SUGCT: variants seen among roughly 807,000 people sequenced by gnomAD.
The protein encoded by SUGCT is succinyl-CoA:glutarate CoA-transferase.
A neutral mutation model predicts 55.0 loss-of-function variants in SUGCT; 41 were observed. The ratio of observed to expected loss-of-function variants is 0.74; its 90% CI spans 0.58 to 0.97. The LOEUF (loss-of-function observed/expected upper bound fraction) is 0.97. Among genes scored for constraint, SUGCT ranks in the 50% least tolerant of loss-of-function variants. SUGCT has a pLI of 0.00. For missense variants in SUGCT, 568 were observed against 547.8 expected, an observed-to-expected ratio of 1.04 and a Z score of -0.37; for synonymous variants, 187 against 200.4, an observed-to-expected ratio of 0.93 and a Z score of 0.56.
chr7:40,214,174 C>A (rs1407820439), intron 6 of SUGCT, among the ~76,000 whole-genome samples: 2 of 152,126 alleles, frequency 1.3e-5, no homozygotes, highest in Non-Finnish European at 2.9e-5. Context: ...TGAGGAGGTT[C>A]TTACTGATAG....
chr7:40,629,313 T>A (rs144082477), intron 12 of SUGCT, among the ~76,000 whole-genome samples: 33 of 152,302 alleles, frequency 2.2e-4, no homozygotes, highest in African/African-American at 7.9e-4. Flanking sequence ...TGACAGAATC[T>A]GTCACACAGA....
chr7:40,828,072 C>A, intron 13 of SUGCT, among the ~76,000 whole-genome samples: 1 of 152,152 alleles, frequency 6.6e-6, no homozygotes, highest in East Asian at 1.9e-4. Context: ...AGCTTAAATC[C>A]AAACATTGCC....
the SUGCT span, among the ~76,000 whole-genome samples, chr7:41,022,496 T>C: frequency 6.6e-6 from 1 of 152,196 alleles, no homozygotes; most frequent in Non-Finnish European, 1.5e-5. Context: ...GAATGAGGAA[T>C]AGAATGCAAA....
chr7:40,666,390 G>GGAAGGAAA (rs1554398428), intron 12 of SUGCT, among the ~76,000 whole-genome samples: 3 of 138,518 alleles, frequency 2.2e-5, no homozygotes, highest in Non-Finnish European at 3.1e-5. Context: ...AAGGAAGGAA[G>GGAAGGAAA]GAAAGAAAGA....
intron 9 of SUGCT, among the ~76,000 whole-genome samples, chr7:40,390,539 C>T (rs1562740401): frequency 6.6e-6 from 1 of 152,112 alleles, no homozygotes; most frequent in Admixed American, 6.5e-5. Flanking sequence ...TTCACAGTTG[C>T]TTCAAAGAGA....
intron 8 of SUGCT, among the ~76,000 whole-genome samples, chr7:40,315,664 G>T (rs1051469961): frequency 6.6e-6 from 1 of 152,198 alleles, no homozygotes; most frequent in Non-Finnish European, 1.5e-5. Flanking sequence ...GCAAGAAAAG[G>T]CCTGAAAAAT....
At chr7:40,241,584 A>C (rs1410974542) in intron 7 of SUGCT, among the ~76,000 whole-genome samples, 1 of 151,782 alleles carries the variant, frequency 6.6e-6, no homozygotes, top group Non-Finnish European at 1.5e-5. Context: ...GTCTCAAAAA[A>C]AAAAAAAAAA....
intron 9 of SUGCT, among the ~76,000 whole-genome samples, chr7:40,444,097 C>T (rs1340468581): frequency 6.6e-6 from 1 of 150,762 alleles, no homozygotes; most frequent in African/African-American, 2.5e-5. Flanking sequence ...TGTTTTGGTA[C>T]CAGTACCATG....
chr7:40,830,910 G>A (rs943364220), intron 13 of SUGCT, among the ~76,000 whole-genome samples: 36 of 152,140 alleles, frequency 2.4e-4, no homozygotes, highest in African/African-American at 8.2e-4. Flanking sequence ...TCTCTCAAAG[G>A]AGGAAAGTAA....
the SUGCT span, among the ~76,000 whole-genome samples, chr7:40,888,639 G>A: frequency 6.6e-6 from 1 of 152,314 alleles, no homozygotes; most frequent in South Asian, 2.1e-4. Flanking sequence ...AAGGCAAGGT[G>A]CACTTTGGGT....
At chr7:40,948,546 G>C in the SUGCT span, among the ~76,000 whole-genome samples, 1 of 148,826 alleles carries the variant, frequency 6.7e-6, no homozygotes, top group Non-Finnish European at 1.5e-5. Context: ...ATGGTGGTTT[G>C]CTGCATCCAT....
chr7:40,196,312 C>G (rs1003125578), intron 6 of SUGCT, among the ~76,000 whole-genome samples: 1 of 152,058 alleles, frequency 6.6e-6, no homozygotes, highest in African/African-American at 2.4e-5. Flanking sequence ...CAGAAAAATT[C>G]ATAATATTTT....
intron 13 of SUGCT, among the ~76,000 whole-genome samples, chr7:40,794,083 A>G (rs1563008502): frequency 6.6e-6 from 1 of 152,116 alleles, no homozygotes; most frequent in Non-Finnish European, 1.5e-5. Context: ...TGATAATCTA[A>G]TAGCTGAACT....
At chr7:41,005,191 G>A in the SUGCT span, among the ~76,000 whole-genome samples, 1,363 of 151,966 alleles carry the variant, frequency 9.0e-3, 17 homozygotes, top group African/African-American at 0.031. Context: ...TAATTTTCCC[G>A]GACAGTAAAG....
chr7:40,274,179 T>C (rs1792308851), intron 7 of SUGCT, among the ~76,000 whole-genome samples: 1 of 145,568 alleles, frequency 6.9e-6, no homozygotes, highest in Non-Finnish European at 1.5e-5. Flanking sequence ...TTAAATTCAA[T>C]TAATTTTTTT....
chr7:40,860,799 C>T (rs36067272), downstream of SUGCT: 20,637 of 180,572 alleles, frequency 0.11, 1,627 homozygotes, highest in South Asian at 0.26. Context: ...ATGTCCTAAA[C>T]GTTTGCCCCT....
At chr7:40,369,084 A>T (rs1024850400) in intron 9 of SUGCT, among the ~76,000 whole-genome samples, 1 of 151,958 alleles carries the variant, frequency 6.6e-6, no homozygotes, top group Non-Finnish European at 1.5e-5. Context: ...AGCCTGGGTA[A>T]CAGAGCGAGA....
chr7:40,876,682 C>G, the SUGCT span, among the ~76,000 whole-genome samples: 1 of 152,108 alleles, frequency 6.6e-6, no homozygotes. Context: ...AGAGGCTCTC[C>G]AAATTCTTCC....
intron 11 of SUGCT, among the ~76,000 whole-genome samples, chr7:40,475,284 A>G (rs1790604181): frequency 6.6e-6 from 1 of 152,172 alleles, no homozygotes; most frequent in African/African-American, 2.4e-5. Context: ...GGGTTCAGCA[A>G]TAGACACCAT....
Sources: allele counts gnomAD v4.1 joint callset (sites outside exome capture counted in the v4.1 genomes callset), GRCh38; gene constraint gnomAD v4.1.1; transcripts MANE v1.5; gene names NCBI Gene and HGNC (gene_info 2026-07-23, HGNC 2026-07-21).